TMEM11: variants seen among roughly 807,000 people sequenced by gnomAD.
TMEM11 encodes transmembrane protein 11, mitochondrial.
Under a neutral mutation model 17.0 loss-of-function variants are expected in TMEM11, and 1 was observed. The ratio of observed to expected loss-of-function variants is 0.06; its 90% CI spans 0.02 to 0.28. The LOEUF (loss-of-function observed/expected upper bound fraction) is 0.28. Ranked by LOEUF, TMEM11 falls within the 10% of genes least tolerant of loss-of-function variation. TMEM11 has a pLI of 1.00. For synonymous variants in TMEM11, 122 were observed against 118.1 expected, an observed-to-expected ratio of 1.03 and a Z score of -0.21; for missense variants, 172 against 252.9, an observed-to-expected ratio of 0.68 and a Z score of 2.17.
At chr17:21,203,764 C>G (rs1004705214) in intron 1 of TMEM11, among the ~76,000 whole-genome samples, 1 of 151,786 alleles carries the variant, frequency 6.6e-6, no homozygotes, top group African/African-American at 2.4e-5. Flanking sequence ...CCAGCCAGCT[C>G]CTGACCACCC....
intron 1 of TMEM11, among the ~76,000 whole-genome samples, chr17:21,200,355 C>T (rs1160637665): frequency 2.6e-5 from 4 of 152,226 alleles, no homozygotes; most frequent in African/African-American, 9.7e-5. Flanking sequence ...CGCACCGTCA[C>T]CCCACATCCT....
intron 1 of TMEM11, 163 bp downstream of exon 1, chr17:21,213,928 C>A (rs1189770264): frequency 1.4e-6 from 1 of 693,030 alleles, no homozygotes. Flanking sequence ...TCGCTCCCAC[C>A]CGGATCCCGG....
intron 1 of TMEM11, among the ~76,000 whole-genome samples, chr17:21,199,089 G>GT (rs978939231): frequency 2.0e-5 from 3 of 151,884 alleles, no homozygotes; most frequent in Non-Finnish European, 2.9e-5. Flanking sequence ...TGGGAGGCCG[G>GT]GGGGGCGGAT....
At position 21,212,677 on chromosome 17, in the gene TMEM11, T is replaced by A. The variant is rs181947982; in HGVS notation, c.62+1414A>T. Among the ~76,000 whole-genome samples, 63 of 152,386 alleles carry A rather than the reference T, an allele frequency of 4.1e-4. 1 individual carries two copies. The East Asian group carries it at 7.5e-3, about 18-fold the overall frequency. The stretch of plus-strand genomic sequence containing the variant: ...GCTTAACCTGTGCTGGCAAGGCTCC[T>A]GTTCCCTGCCTGAGGCATCCCTATT... On this transcript the variant is annotated intron_variant, in intron 1 of 1. Coordinates refer to ENST00000317635, the MANE Select transcript of TMEM11 (RefSeq NM_003876.3).
At chr17:21,209,260 C>T (rs1465293110) in intron 1 of TMEM11, among the ~76,000 whole-genome samples, 2 of 152,218 alleles carry the variant, frequency 1.3e-5, no homozygotes, top group African/African-American at 4.8e-5. Context: ...AGGGTGGATT[C>T]AAGTTCCCTC....
chr17:21,198,175 T>G lies in TMEM11; in HGVS notation c.*149A>C, dbSNP rs980087913. 12 of 1,029,282 alleles carry G rather than the reference T, an allele frequency of 1.2e-5. No homozygotes were observed. The East Asian group carries it at 2.7e-4, about 24-fold the overall frequency. The allele number at this position is 1,029,282 out of a possible 1,614,324, so 63.8% of individuals were successfully genotyped here. On this transcript the variant is annotated 3_prime_UTR_variant, in exon 2 of 2. Coordinates refer to ENST00000317635, the MANE Select transcript of TMEM11 (RefSeq NM_003876.3). This position sits in a 1 kb window ranked among gnomAD's most constrained non-coding sequence, Gnocchi z 6.5. The stretch of plus-strand genomic sequence containing the variant: ...GTGTAATGAGCTGAAAAACCCTGGG[T>G]ACACCCGTGATCTGTTATTTTTTAA...
intron 1 of TMEM11, among the ~76,000 whole-genome samples, chr17:21,207,696 TG>T (rs149641619): frequency 0.019 from 2,961 of 152,016 alleles, 87 homozygotes; most frequent in African/African-American, 0.066. Flanking sequence ...CAGACCAGCC[TG>T]GCCAACATGG....
intron 1 of TMEM11, among the ~76,000 whole-genome samples, chr17:21,205,455 G>A (rs554481559): frequency 6.6e-5 from 10 of 152,206 alleles, no homozygotes; most frequent in Non-Finnish European, 1.3e-4. Flanking sequence ...GGTCTCCGCT[G>A]CAGGAGGAGG....
At position 21,205,540 on chromosome 17, in the gene TMEM11, G is replaced by A. The variant is rs148431250; in HGVS notation, c.63-6700C>T. On this transcript the variant is annotated intron_variant, in intron 1 of 1. Transcript: ENST00000317635. Reference sequence around the variant, plus strand: ...CAACTATCACTTTGCCTTTTTTAAAGTGTGGTAAAATACACGTAAAATATA... The same window carrying A: ...CAACTATCACTTTGCCTTTTTTAAAATGTGGTAAAATACACGTAAAATATA... 2.6e-3 allele frequency among the ~76,000 whole-genome samples: 391 copies of A among 152,188 alleles called. 4 individuals carry two copies. The highest frequency in any genetic ancestry group is 9.1e-3 in the African/African-American group (377 of 41,528).
rs537583778 is a variant in TMEM11 at position 21,207,185 on chromosome 17, T to C, written c.62+6906A>G. 2.0e-5 allele frequency among the ~76,000 whole-genome samples: 3 copies of C among 152,318 alleles called. No homozygotes were observed. In the South Asian group the frequency reaches 6.2e-4, roughly 32 times the overall value. ...TCATGCTGTGGCATGTTTATTACTT[T>C]TCACATATTGTAAACATAACTTTTG... On this transcript the variant is annotated intron_variant, in intron 1 of 1. Transcript: ENST00000317635.
At chr17:21,209,580 C>A (rs1974980341) in intron 1 of TMEM11, among the ~76,000 whole-genome samples, 1 of 152,154 alleles carries the variant, frequency 6.6e-6, no homozygotes. Context: ...CCAGCCTAGA[C>A]AACATGGTGA....
In TMEM11 at chr17:21,198,837, C is replaced by T. The variant is rs149540824; in HGVS notation, c.66G>A (p.Val22=). The T allele has an allele frequency of 5.6e-6, 9 of 1,607,048 alleles. No individual in the cohort carries two copies. The highest frequency in any genetic ancestry group is 7.7e-6 in the Non-Finnish European group (9 of 1,175,314). The change falls in exon 2 of 2, where the codon GTG becomes GTA. Residue 22 remains valine, a synonymous_variant. Transcript: ENST00000317635. This position sits in a 1 kb window ranked among gnomAD's most constrained non-coding sequence, Gnocchi z 6.5. ...GSSGGSARER[V]SLSATDCYIV... is the part of the protein sequence containing the mutation. ...TGTAGCAGTCTGTGGCCGACAAGCT[C>T]ACCCTTTTGATGGAGGGGGCAGGAA...
At chr17:21,209,511 A>C (rs1406335195) in intron 1 of TMEM11, among the ~76,000 whole-genome samples, 1 of 152,224 alleles carries the variant, frequency 6.6e-6, no homozygotes, top group Non-Finnish European at 1.5e-5. Context: ...TCACGCCTGT[A>C]ATCCCAGCAC....
intron 1 of TMEM11, among the ~76,000 whole-genome samples, chr17:21,201,675 G>A (rs1177232589): frequency 6.6e-6 from 1 of 152,160 alleles, no homozygotes; most frequent in African/African-American, 2.4e-5. Flanking sequence ...AGGCAGGAGT[G>A]CAGTGGTGTG....
chr17:21,200,710 T>A (rs569829126), intron 1 of TMEM11, among the ~76,000 whole-genome samples: 1 of 152,346 alleles, frequency 6.6e-6, no homozygotes, highest in South Asian at 2.1e-4. Flanking sequence ...GCTCCGAATG[T>A]GCCTGACAGG....
At chr17:21,204,505 A>C (rs1974921993) in intron 1 of TMEM11, among the ~76,000 whole-genome samples, 1 of 151,960 alleles carries the variant, frequency 6.6e-6, no homozygotes, top group East Asian at 1.9e-4. Context: ...AACTGAAAGC[A>C]AGTTCAGGGG....
At chr17:21,210,617 C>T (rs1597773628) in intron 1 of TMEM11, among the ~76,000 whole-genome samples, 6 of 152,172 alleles carry the variant, frequency 3.9e-5, no homozygotes, top group Admixed American at 3.9e-4. Context: ...ACTGGATGAA[C>T]GTGTAAGGGC....
At position 21,210,444 on chromosome 17, in the gene TMEM11, CA is replaced by C. The variant is rs201647928; in HGVS notation, c.62+3646del. 6.7e-3 allele frequency among the ~76,000 whole-genome samples: 1,020 copies of C among 152,228 alleles called. 7 individuals are homozygous for C. The highest frequency in any genetic ancestry group is 0.029 in the South Asian group (140 of 4,832). On this transcript the variant is annotated intron_variant, in intron 1 of 1. Transcript: ENST00000317635. ...TCATCTCATCCCAGCCAGAAGGAAA[CA>C]AAAACTCCCGCCACACACAAAAGCA...
At chr17:21,202,307 G>A (rs1974890685) in intron 1 of TMEM11, among the ~76,000 whole-genome samples, 1 of 152,192 alleles carries the variant, frequency 6.6e-6, no homozygotes, top group South Asian at 2.1e-4. Flanking sequence ...GACACCTTGG[G>A]GCGGGCACCA....
Sources: gnomAD v4.1 joint callset for allele counts (sites outside exome capture counted in the v4.1 genomes callset) on GRCh38, gnomAD v4.1.1 for gene constraint, Gnocchi (gnomAD v3.1) non-coding constraint, MANE v1.5 for transcripts, NCBI Gene and HGNC (gene_info 2026-07-23, HGNC 2026-07-21) for gene names.